SPATA6: variants seen among roughly 807,000 people sequenced by gnomAD.
The protein encoded by SPATA6 is spermatogenesis associated 6, also known as spermatogenesis-associated protein 6.
SPATA6 carries 56 observed loss-of-function variants against 65.3 expected under a neutral mutation model. The observed-to-expected ratio is 0.86, with a 90% CI of 0.69 to 1.07. The LOEUF (loss-of-function observed/expected upper bound fraction) is 1.07. Among genes scored for constraint, SPATA6 ranks in the 50% least tolerant of loss-of-function variants. The probability of loss-of-function intolerance (pLI) is 0.00; values close to 1 mark genes in which losing one functional copy is unlikely to be tolerated. For synonymous variants in SPATA6, 199 were observed against 213.2 expected (o/e 0.93, Z 0.58); for missense variants, 590 against 594.8 (o/e 0.99, Z 0.08).
chr1:48,281,434 GCCATCGTCT>G, the SPATA6 span, among the ~76,000 whole-genome samples: 38 of 152,154 alleles, frequency 2.5e-4, no homozygotes, highest in African/African-American at 8.9e-4. Flanking sequence ...TCTAGAAAAC[GCCATCGTCT>G]CAGCCCAAAA....
At chr1:48,342,615 CAA>C (rs56979935) in intron 11 of SPATA6, among the ~76,000 whole-genome samples, 18 of 69,620 alleles carry the variant, frequency 2.6e-4, no homozygotes, top group Admixed American at 1.7e-4. Context: ...GACTCCATCT[CAA>C]AAAAAAAAAA....
chr1:48,385,619 A>G (rs1360881298), intron 8 of SPATA6, among the ~76,000 whole-genome samples: 1 of 152,178 alleles, frequency 6.6e-6, no homozygotes, highest in Non-Finnish European at 1.5e-5. Context: ...TAGTCGATAA[A>G]CCAATTTGTG....
chr1:48,459,946 G>T (rs947841674), intron 1 of SPATA6, among the ~76,000 whole-genome samples: 1 of 152,034 alleles, frequency 6.6e-6, no homozygotes, highest in Non-Finnish European at 1.5e-5. Context: ...AAAACACAAC[G>T]TATCAAAATT....
At chr1:48,453,434 CT>C (rs1372541140) in intron 1 of SPATA6, among the ~76,000 whole-genome samples, 1 of 152,198 alleles carries the variant, frequency 6.6e-6, no homozygotes, top group Non-Finnish European at 1.5e-5. Context: ...GAGGCTCCCA[CT>C]TTATGCTGAA....
intron 8 of SPATA6, among the ~76,000 whole-genome samples, chr1:48,394,313 G>A (rs1650367753): frequency 6.6e-6 from 1 of 152,054 alleles, no homozygotes. Context: ...AGAAAAATCA[G>A]ATGCTTAAGT....
chr1:48,368,795 C>T (rs953960743), intron 9 of SPATA6, among the ~76,000 whole-genome samples: 1 of 152,204 alleles, frequency 6.6e-6, no homozygotes, highest in Admixed American at 6.5e-5. Flanking sequence ...TCTCTCAACT[C>T]GTCAACATCA....
intron 9 of SPATA6, among the ~76,000 whole-genome samples, chr1:48,367,399 T>C (rs367947430): frequency 5.3e-5 from 8 of 152,212 alleles, no homozygotes; most frequent in South Asian, 2.1e-4. Flanking sequence ...AGTGGGGTGT[T>C]AAAGTCTCCC....
chr1:48,281,186 AAAT>A, the SPATA6 span, among the ~76,000 whole-genome samples: 1 of 152,054 alleles, frequency 6.6e-6, no homozygotes, highest in Middle Eastern at 3.2e-3. Context: ...ATGTATCTCA[AAAT>A]AATAAGAGCT....
chr1:48,441,928 T>A (rs1439921968), intron 3 of SPATA6, among the ~76,000 whole-genome samples: 1 of 152,180 alleles, frequency 6.6e-6, no homozygotes, highest in South Asian at 2.1e-4. Context: ...CAGGAGCTAC[T>A]CCTTGAGGGA....
intron 8 of SPATA6, among the ~76,000 whole-genome samples, chr1:48,392,426 T>C (rs896541786): frequency 5.9e-5 from 9 of 152,164 alleles, no homozygotes; most frequent in Admixed American, 1.3e-4. Flanking sequence ...GATATTGAGT[T>C]TCTTCAAAAG....
At chr1:48,457,837 A>G (rs1657127151) in intron 1 of SPATA6, among the ~76,000 whole-genome samples, 1 of 152,156 alleles carries the variant, frequency 6.6e-6, no homozygotes, top group Non-Finnish European at 1.5e-5. Flanking sequence ...ATGAAACTAT[A>G]TAAATATAAA....
intron 11 of SPATA6, among the ~76,000 whole-genome samples, chr1:48,347,861 T>TG (rs1296688194): frequency 6.6e-6 from 1 of 151,972 alleles, no homozygotes; most frequent in African/African-American, 2.4e-5. Flanking sequence ...AACCCCTCCC[T>TG]GGAACTAACT....
chr1:48,366,869 T>G (rs1647035351), intron 9 of SPATA6, among the ~76,000 whole-genome samples: 1 of 152,204 alleles, frequency 6.6e-6, no homozygotes, highest in Non-Finnish European at 1.5e-5. Context: ...GCTTTTCCAG[T>G]TCTTTTAATT....
intron 1 of SPATA6, among the ~76,000 whole-genome samples, chr1:48,459,417 A>T (rs1264325894): frequency 6.6e-6 from 1 of 152,124 alleles, no homozygotes; most frequent in Non-Finnish European, 1.5e-5. Context: ...ATATTGATTA[A>T]AAGTTTGATT....
intron 11 of SPATA6, among the ~76,000 whole-genome samples, chr1:48,328,638 T>C (rs1352414522): frequency 1.3e-5 from 2 of 152,156 alleles, no homozygotes; most frequent in Non-Finnish European, 2.9e-5. Context: ...TCCCAATGGT[T>C]ACAAAATATC....
chr1:48,321,927 T>C (rs552491887), intron 11 of SPATA6, among the ~76,000 whole-genome samples: 1 of 152,168 alleles, frequency 6.6e-6, no homozygotes, highest in East Asian at 1.9e-4. Context: ...TCAATAAACA[T>C]ATTAAGAAGA....
chr1:48,306,510 A>G (rs1006889288), intron 11 of SPATA6, among the ~76,000 whole-genome samples: 1 of 151,990 alleles, frequency 6.6e-6, no homozygotes, highest in Non-Finnish European at 1.5e-5. Context: ...TGTTAACTAT[A>G]TCATTCACAG....
In SPATA6 at chr1:48,412,045, A is replaced by G. The variant is rs192875323; in HGVS notation, c.281-457T>C. 2.2e-3 allele frequency among the ~76,000 whole-genome samples: 333 copies of G among 152,196 alleles called. 2 individuals carry two copies. Among genetic ancestry groups the G allele is most frequent in the African/African-American group, 7.6e-3 (317 of 41,534 alleles). On this transcript the variant is annotated intron_variant, in intron 4 of 12. Transcript: ENST00000371847. ...CCACACCTAGCTATATATTTTTAGT[A>G]GAGATGGGGTTTCAACATGGTGGCC...
At chr1:48,331,529 G>T (rs923397584) in intron 11 of SPATA6, among the ~76,000 whole-genome samples, 1 of 151,940 alleles carries the variant, frequency 6.6e-6, no homozygotes, top group African/African-American at 2.4e-5. Context: ...AAAGAAAAAA[G>T]AATTGAAAAG....
Sources: allele counts gnomAD v4.1 joint callset (sites outside exome capture counted in the v4.1 genomes callset), GRCh38; gene constraint gnomAD v4.1.1; transcripts MANE v1.5; gene names NCBI Gene and HGNC (gene_info 2026-07-23, HGNC 2026-07-21).